The following POU6F2 variants were observed in gnomAD, a reference collection of about 807,000 sequenced individuals.
POU6F2 encodes the protein POU domain, class 6, transcription factor 2.
POU6F2 carries 31 observed loss-of-function variants against 71.3 expected under a neutral mutation model. The observed-to-expected ratio is 0.43, with a 90% CI of 0.33 to 0.59. POU6F2 has a LOEUF of 0.59. POU6F2 is among the 20% of genes least tolerant of loss of function. The probability of loss-of-function intolerance (pLI) is 0.04; values close to 1 mark genes in which losing one functional copy is unlikely to be tolerated. For synonymous variants in POU6F2, 347 were observed against 355.7 expected (o/e 0.98, Z 0.27); for missense variants, 783 against 856.8 (o/e 0.91, Z 1.07).
chr7:39,415,961 G>A (rs956372256), intron 6 of POU6F2, among the ~76,000 whole-genome samples: 1 of 151,918 alleles, frequency 6.6e-6, no homozygotes, highest in Non-Finnish European at 1.5e-5. Context: ...TGATTTTCTC[G>A]GGTTCAGAGT....
chr7:39,383,021 T>G (rs1439587284), intron 5 of POU6F2, among the ~76,000 whole-genome samples: 1 of 152,236 alleles, frequency 6.6e-6, no homozygotes, highest in Non-Finnish European at 1.5e-5. Context: ...AAAATTACCT[T>G]TCCGCAAAAA....
At chr7:39,210,816 T>A (rs1004687229) in intron 4 of POU6F2, among the ~76,000 whole-genome samples, 1 of 152,192 alleles carries the variant, frequency 6.6e-6, no homozygotes, top group Non-Finnish European at 1.5e-5. Flanking sequence ...CATTAAAGTT[T>A]AAGAAATGCT....
chr7:39,403,394 C>G (rs961557667), intron 5 of POU6F2, among the ~76,000 whole-genome samples: 5 of 152,200 alleles, frequency 3.3e-5, no homozygotes, highest in Admixed American at 1.3e-4. Flanking sequence ...TATCAACAAG[C>G]ATACACCAGA....
At chr7:39,341,876 C>T (rs982521719) in intron 5 of POU6F2, among the ~76,000 whole-genome samples, 3 of 152,286 alleles carry the variant, frequency 2.0e-5, no homozygotes, top group Middle Eastern at 3.4e-3. Flanking sequence ...GAAGTGACCA[C>T]GCAGCCTCAT....
intron 2 of POU6F2, among the ~76,000 whole-genome samples, chr7:39,108,055 A>G (rs2128724978): frequency 6.6e-6 from 1 of 152,274 alleles, no homozygotes; most frequent in Middle Eastern, 3.4e-3. Context: ...AATGGGCTAT[A>G]ACTGTGATTC....
At chr7:39,034,851 G>C (rs1009649000) in intron 1 of POU6F2, among the ~76,000 whole-genome samples, 1 of 152,120 alleles carries the variant, frequency 6.6e-6, no homozygotes, top group South Asian at 2.1e-4. Context: ...TAGCCATTTG[G>C]TTGTGAGGGG....
intron 1 of POU6F2, among the ~76,000 whole-genome samples, chr7:39,073,767 C>G (rs931165928): frequency 6.6e-6 from 1 of 152,222 alleles, no homozygotes; most frequent in Non-Finnish European, 1.5e-5. Context: ...AACCAAGCCA[C>G]ATTAGCAGTT....
intron 5 of POU6F2, among the ~76,000 whole-genome samples, chr7:39,400,861 C>A (rs1057151535): frequency 2.0e-5 from 3 of 152,228 alleles, no homozygotes; most frequent in African/African-American, 7.2e-5. Flanking sequence ...GTAGGACTAT[C>A]TCCTTAGTTC....
At chr7:39,269,756 C>T (rs1228367964) in intron 4 of POU6F2, among the ~76,000 whole-genome samples, 1 of 152,152 alleles carries the variant, frequency 6.6e-6, no homozygotes, top group African/African-American at 2.4e-5. Flanking sequence ...AAGCCAGGAG[C>T]TTGGGAAACC....
At chr7:39,262,293 A>G (rs1291457200) in intron 4 of POU6F2, among the ~76,000 whole-genome samples, 2 of 152,242 alleles carry the variant, frequency 1.3e-5, no homozygotes, top group African/African-American at 2.4e-5. Context: ...ATGGCCTTAC[A>G]AAACAGGAAT....
intron 5 of POU6F2, among the ~76,000 whole-genome samples, chr7:39,365,130 A>G (rs1385102415): frequency 6.6e-6 from 1 of 152,166 alleles, no homozygotes; most frequent in African/African-American, 2.4e-5. Context: ...ACCTGATTTC[A>G]AACTCTACTA....
At chr7:39,293,397 C>T (rs1280047403) in intron 4 of POU6F2, among the ~76,000 whole-genome samples, 1 of 152,158 alleles carries the variant, frequency 6.6e-6, no homozygotes, top group Non-Finnish European at 1.5e-5. Context: ...ATTTATGAAG[C>T]GCTGCGGTAG....
At chr7:39,311,680 T>C (rs79550579) in intron 4 of POU6F2, among the ~76,000 whole-genome samples, 1 of 152,050 alleles carries the variant, frequency 6.6e-6, no homozygotes, top group African/African-American at 2.4e-5. Flanking sequence ...GGTATAAACA[T>C]AGAGAGAGAG....
At chr7:39,311,282 A>T (rs1337667658) in intron 4 of POU6F2, among the ~76,000 whole-genome samples, 1 of 150,580 alleles carries the variant, frequency 6.6e-6, no homozygotes, top group African/African-American at 2.4e-5. Flanking sequence ...GGTTCTAAAA[A>T]ATTAAAAAAA....
chr7:39,454,209 A>T (rs1788730146), intron 8 of POU6F2, among the ~76,000 whole-genome samples: 2 of 152,082 alleles, frequency 1.3e-5, no homozygotes, highest in African/African-American at 4.8e-5. Context: ...CAAATGCAGG[A>T]GTTTCTGTCC....
intron 1 of POU6F2, among the ~76,000 whole-genome samples, chr7:39,057,176 C>T (rs868428587): frequency 2.0e-5 from 3 of 152,062 alleles, no homozygotes; most frequent in African/African-American, 2.4e-5. Context: ...CAGATGTCTT[C>T]TTGTTTTGTT....
rs574354466 is a variant in POU6F2, at chr7:39,440,884, TTGA to T, written c.1320+7613_1320+7615del. On this transcript the variant is annotated intron_variant, in intron 7 of 9. Transcript: ENST00000518318. ...TTTTTGTGAGGGCTTGTTGTTGTTGTTGATGATGATGATGTTGTTGTTGTTGCT... is the reference window on the plus strand; with the variant it reads ...TTTTTGTGAGGGCTTGTTGTTGTTGTTGATGATGATGTTGTTGTTGTTGCT... Among the ~76,000 whole-genome samples, 81 of 152,198 alleles carry T rather than the reference TTGA, an allele frequency of 5.3e-4. 1 individual carries two copies. The South Asian group carries it at 0.014, about 27-fold the overall frequency.
intron 4 of POU6F2, among the ~76,000 whole-genome samples, chr7:39,227,748 G>A (rs140250952): frequency 4.6e-5 from 7 of 151,924 alleles, no homozygotes; most frequent in South Asian, 2.1e-4. Context: ...TAGTAGATAC[G>A]GGGTTTCACT....
chr7:39,311,248 T>A (rs1445944168), intron 4 of POU6F2, among the ~76,000 whole-genome samples: 3 of 151,182 alleles, frequency 2.0e-5, no homozygotes, highest in Non-Finnish European at 4.4e-5. Flanking sequence ...ATTGGGTACA[T>A]GTTATACAGG....
Sources: allele counts gnomAD v4.1 joint callset (sites outside exome capture counted in the v4.1 genomes callset), GRCh38; gene constraint gnomAD v4.1.1; transcripts MANE v1.5; gene names NCBI Gene and HGNC (gene_info 2026-07-23, HGNC 2026-07-21).